NOL4L: variants seen among roughly 807,000 people sequenced by gnomAD.
NOL4L encodes the protein nucleolar protein 4 like.
A neutral mutation model predicts 64.5 loss-of-function variants in NOL4L; 7 were observed. The observed-to-expected ratio is 0.11, with a 90% CI of 0.06 to 0.20. The LOEUF (loss-of-function observed/expected upper bound fraction) is 0.20, where lower values mean the gene tolerates loss of function less well. NOL4L is among the 10% of genes least tolerant of loss of function. The pLI, the probability that NOL4L is intolerant of heterozygous loss-of-function variation, is 1.00. For synonymous variants in NOL4L, 413 were observed against 401.0 expected, an observed-to-expected ratio of 1.03 and a Z score of -0.36; for missense variants, 680 against 967.1, an observed-to-expected ratio of 0.70 and a Z score of 3.94.
intron 1 of NOL4L, among the ~76,000 whole-genome samples, chr20:32,528,184 TCAGA>T (rs1568689961): frequency 1.3e-5 from 2 of 152,238 alleles, no homozygotes; most frequent in African/African-American, 2.4e-5. Flanking sequence ...GTTCACAATT[TCAGA>T]CAGATTGTGC....
intron 4 of NOL4L, among the ~76,000 whole-genome samples, chr20:32,480,497 C>T (rs947499133): frequency 1.3e-5 from 2 of 152,184 alleles, no homozygotes; most frequent in African/African-American, 4.8e-5. Flanking sequence ...CCAGCACCAG[C>T]TCTATCCCAA....
At chr20:32,496,684 G>A (rs1339302941) in intron 4 of NOL4L, among the ~76,000 whole-genome samples, 3 of 151,972 alleles carry the variant, frequency 2.0e-5, no homozygotes, top group Non-Finnish European at 2.9e-5. Context: ...CCGAGTAGCT[G>A]GAACTACAGG....
chr20:32,485,633 G>A (rs1181830550), intron 4 of NOL4L: 1 of 401,954 alleles, frequency 2.5e-6, no homozygotes, highest in Non-Finnish European at 5.2e-6. Context: ...TGGTGATGTG[G>A]GGCAGGTGGG....
In NOL4L at chr20:32,453,830, G is replaced by C; in HGVS notation, c.1120-69C>G. ...TCAAGCCCTTGCTGGGTCTCCTACA[G>C]GCGGTGAGCTTGGGGACCAGGGTGG... On this transcript the variant is annotated intron_variant, in intron 6 of 10. Transcript: ENST00000621426. The surrounding 1 kb of genome is among the most constrained non-coding windows in gnomAD (Gnocchi z 5.6). 1 of 1,466,296 alleles carries C rather than the reference G, an allele frequency of 6.8e-7. No individual in the cohort carries two copies. The highest frequency in any genetic ancestry group is 1.2e-5 in the South Asian group (1 of 80,464). The allele number at this position is 1,466,296 out of a possible 1,614,324, so 90.8% of individuals were successfully genotyped here. A position where few individuals can be genotyped will look rare whatever the true frequency, so the allele number is the denominator to read the frequency against.
chr20:32,523,363 C>T (rs1192012729), intron 2 of NOL4L, among the ~76,000 whole-genome samples: 2 of 152,180 alleles, frequency 1.3e-5, no homozygotes, highest in Non-Finnish European at 2.9e-5. Flanking sequence ...CCCAGCTCTG[C>T]ACTGCCGTAG....
Position 32,474,786 on chromosome 20 carries a change from C to A in NOL4L, c.700-44G>T. On this transcript the variant is annotated intron_variant, in intron 4 of 10. Transcript: ENST00000621426. ...GGTGGGCATTCAGCAGGGACGGGCT[C>A]TCATCAGCCTGAGGCAGCCTTGTGG... The A allele has an allele frequency of 3.2e-6, 5 of 1,544,928 alleles. No individual in the cohort carries two copies. In the South Asian group the frequency reaches 6.0e-5, roughly 18 times the overall value.
At chr20:32,474,809 T>A in intron 4 of NOL4L, 67 bp from the exon 5 acceptor site, 14 of 1,503,898 alleles carry the variant, frequency 9.3e-6, no homozygotes, top group Non-Finnish European at 1.3e-5. Flanking sequence ...GGCAGCCTTG[T>A]GGGTGGACCC....
intron 1 of NOL4L, among the ~76,000 whole-genome samples, chr20:32,552,959 C>T (rs539433615): frequency 1.3e-5 from 2 of 152,310 alleles, no homozygotes; most frequent in East Asian, 1.9e-4. Flanking sequence ...GCTAAGATTA[C>T]TCACTGGCCC....
At chr20:32,534,064 G>A (rs1322996563) in intron 1 of NOL4L, among the ~76,000 whole-genome samples, 1 of 152,222 alleles carries the variant, frequency 6.6e-6, no homozygotes, top group Non-Finnish European at 1.5e-5. Context: ...TACTTATCAA[G>A]GTGGGATCAC....
chr20:32,516,301 C>G (rs923623941), intron 3 of NOL4L, among the ~76,000 whole-genome samples: 1 of 152,026 alleles, frequency 6.6e-6, no homozygotes. Flanking sequence ...AAAAAAATCT[C>G]CTTCCTGGGG....
intron 1 of NOL4L, chr20:32,536,243 G>T (rs2018518488): frequency 1.0e-6 from 1 of 985,450 alleles, no homozygotes; most frequent in Non-Finnish European, 1.2e-6. Context: ...TCACCGAAGG[G>T]GGGGTCCTAG....
chr20:32,516,443 G>A (rs967803318), intron 3 of NOL4L, among the ~76,000 whole-genome samples: 5 of 152,160 alleles, frequency 3.3e-5, no homozygotes, highest in African/African-American at 9.7e-5. Flanking sequence ...AGCAGGGTGC[G>A]ACAGACGTGA....
chr20:32,569,760 A>C (rs1348080999), intron 1 of NOL4L, among the ~76,000 whole-genome samples: 1 of 152,130 alleles, frequency 6.6e-6, no homozygotes, highest in East Asian at 1.9e-4. Flanking sequence ...CAGCTCTGAG[A>C]GGGCAGAGAT....
At chr20:32,558,840 C>T (rs1978825613) in intron 1 of NOL4L, among the ~76,000 whole-genome samples, 1 of 152,198 alleles carries the variant, frequency 6.6e-6, no homozygotes, top group Admixed American at 6.5e-5. Context: ...CGGAAGATCG[C>T]TCTGGCTGCT....
chr20:32,486,373 G>A lies in NOL4L; in HGVS notation c.700-11631C>T, dbSNP rs139478097. On this transcript the variant is annotated intron_variant, in intron 4 of 10. Coordinates refer to ENST00000621426, the MANE Select transcript of NOL4L (RefSeq NM_001256798.2). ...CTGGTAGGAGACCATGGCAGAGAAA[G>A]CTGATCCCATCTGCTTCGGGGGGAC... Among the ~76,000 whole-genome samples, 714 of 152,320 alleles carry A rather than the reference G, an allele frequency of 4.7e-3. 11 individuals are homozygous for A. Among genetic ancestry groups the A allele is most frequent in the African/African-American group, 0.016 (646 of 41,568 alleles).
intron 6 of NOL4L, 30 bp downstream of exon 6, chr20:32,456,088 G>T (rs774662134): frequency 1.2e-5 from 17 of 1,468,914 alleles, no homozygotes; most frequent in Non-Finnish European, 1.5e-5. Context: ...TTTACAGAAA[G>T]AAATGGACTC....
Position 32,509,694 on chromosome 20 carries a change from G to C in NOL4L, c.699+1653C>G, listed in dbSNP as rs376081265. ...CTCCCCTCCTTCCATTGACGCAAGT[G>C]AAGATACAGTTAGGATTTTTAACCA... On this transcript the variant is annotated intron_variant, in intron 4 of 10. Coordinates refer to ENST00000621426, the MANE Select transcript of NOL4L (RefSeq NM_001256798.2). 16 of 1,178,576 alleles carry C rather than the reference G, an allele frequency of 1.4e-5. No homozygotes were observed. In the South Asian group the frequency reaches 2.1e-4, roughly 15 times the overall value. 73.0% of individuals were successfully genotyped at this position (1,178,576 alleles called of 1,614,324 possible).
In NOL4L at chr20:32,567,982, C is replaced by T. The variant is rs557798013; in HGVS notation, c.321+16588G>A. ...TCACCACCATCATCGTCACCATCAT[C>T]GTCACCATCATCACCATATTCATCA... On this transcript the variant is annotated intron_variant, in intron 1 of 10. Transcript: ENST00000621426. 4.6e-5 allele frequency among the ~76,000 whole-genome samples: 7 copies of T among 152,036 alleles called. No individual in the cohort carries two copies. The East Asian group carries it at 1.2e-3, about 25-fold the overall frequency.
intron 3 of NOL4L, 125 bp downstream of exon 3, chr20:32,520,686 G>A (rs1337360233): frequency 5.2e-6 from 3 of 582,188 alleles, no homozygotes; most frequent in Non-Finnish European, 9.2e-6. Flanking sequence ...GACCCATACT[G>A]GCCTCTGGGA....
Sources: allele counts gnomAD v4.1 joint callset (sites outside exome capture counted in the v4.1 genomes callset), GRCh38; gene constraint gnomAD v4.1.1; non-coding constraint Gnocchi (gnomAD v3.1); transcripts MANE v1.5; gene names NCBI Gene and HGNC (gene_info 2026-07-23, HGNC 2026-07-21).